The following ATP1B1 variants were observed in gnomAD, a reference collection of about 807,000 sequenced individuals.
ATP1B1 encodes sodium/potassium-transporting ATPase subunit beta-1.
ATP1B1 carries 3 observed loss-of-function variants against 39.6 expected under a neutral mutation model. The ratio of observed to expected loss-of-function variants is 0.08; its 90% CI spans 0.03 to 0.20. The LOEUF is 0.20. Among genes scored for constraint, ATP1B1 ranks in the 10% least tolerant of loss-of-function variants. The probability of loss-of-function intolerance (pLI) is 1.00; values close to 1 mark genes in which losing one functional copy is unlikely to be tolerated. For synonymous variants in ATP1B1, 139 were observed against 135.0 expected (o/e 1.03, Z -0.20); for missense variants, 216 against 371.1 (o/e 0.58, Z 3.43).
intron 3 of ATP1B1, among the ~76,000 whole-genome samples, chr1:169,127,021 T>C (rs1658101127): frequency 6.6e-6 from 1 of 152,202 alleles, no homozygotes; most frequent in Non-Finnish European, 1.5e-5. Flanking sequence ...ATACCAGCTA[T>C]TCCTTTTGGT....
intron 5 of ATP1B1, 137 bp downstream of exon 5, chr1:169,130,227 G>A: frequency 1.4e-6 from 1 of 739,518 alleles, no homozygotes. Context: ...ATAAGTCTCA[G>A]TGAGATGAAT....
At chr1:169,117,883 T>C (rs539915086) in intron 2 of ATP1B1, among the ~76,000 whole-genome samples, 31 of 152,348 alleles carry the variant, frequency 2.0e-4, no homozygotes, top group African/African-American at 7.2e-4. Flanking sequence ...TCAAATGTCA[T>C]GTAGAATGCA....
chr1:169,131,690 T>A lies in ATP1B1; in HGVS notation c.*135T>A, dbSNP rs1571230304. ...ATCTATATGCTTTACACTAGCTTTCTGCATTTAATAGGTTAGAATGTAAAT... is the reference window on the plus strand; with the variant it reads ...ATCTATATGCTTTACACTAGCTTTCAGCATTTAATAGGTTAGAATGTAAAT... On this transcript the variant is annotated 3_prime_UTR_variant, in exon 6 of 6. Transcript: ENST00000367815. This position sits in a 1 kb window ranked among gnomAD's most constrained non-coding sequence, Gnocchi z 4.4. 1.0e-6 allele frequency: 1 copy of A among 972,606 alleles called. No homozygotes were observed. Among genetic ancestry groups the A allele is most frequent in the East Asian group, 2.6e-5 (1 of 38,180 alleles). 60.2% of individuals were successfully genotyped at this position (972,606 alleles called of 1,614,324 possible). A position where few individuals can be genotyped will look rare whatever the true frequency, so the allele number is the denominator to read the frequency against.
intron 2 of ATP1B1, among the ~76,000 whole-genome samples, chr1:169,123,284 TC>T (rs1658020632): frequency 6.6e-6 from 1 of 152,096 alleles, no homozygotes; most frequent in Non-Finnish European, 1.5e-5. Context: ...TTAAACAGAT[TC>T]TCAAATCTCT....
intron 1 of ATP1B1, among the ~76,000 whole-genome samples, chr1:169,109,264 A>G (rs2101772106): frequency 6.6e-6 from 1 of 152,246 alleles, no homozygotes; most frequent in East Asian, 1.9e-4. Context: ...AAACCTCTGT[A>G]TTACTTTTTT....
At chr1:169,115,721 T>C (rs1052402385) in intron 2 of ATP1B1, among the ~76,000 whole-genome samples, 4 of 152,218 alleles carry the variant, frequency 2.6e-5, no homozygotes, top group Non-Finnish European at 4.4e-5. Context: ...TTTCCAGATA[T>C]GACAGGGATG....
chr1:169,131,690 T>C lies in ATP1B1; in HGVS notation c.*135T>C, dbSNP rs1571230304. On this transcript the variant is annotated 3_prime_UTR_variant, in exon 6 of 6. Transcript: ENST00000367815. This position sits in a 1 kb window ranked among gnomAD's most constrained non-coding sequence, Gnocchi z 4.4. ...ATCTATATGCTTTACACTAGCTTTC[T>C]GCATTTAATAGGTTAGAATGTAAAT... is the stretch of plus-strand genomic sequence containing the variant. The C allele has an allele frequency of 1.0e-6, 1 of 972,606 alleles. No individual in the cohort carries two copies. Among genetic ancestry groups the C allele is most frequent in the African/African-American group, 1.6e-5 (1 of 60,724 alleles). The allele number at this position is 972,606 out of a possible 1,614,324, so 60.2% of individuals were successfully genotyped here.
In ATP1B1 at chr1:169,132,019, ATTTTTTTTTT is replaced by A. The variant is rs34447553; in HGVS notation, c.*477_*486del. ...CAACGGGAATAAAACTGGCATGGTA[ATTTTTTTTTT>A]TTTTTTTTTTTTGTTTTTTGGCTCT... On this transcript the variant is annotated 3_prime_UTR_variant, in exon 6 of 6. Transcript: ENST00000367815. 5.4e-6 allele frequency: 1 copy of A among 186,522 alleles called. No individual in the cohort carries two copies. The highest frequency in any genetic ancestry group is 3.2e-5 in the African/African-American group (1 of 31,222). 11.6% of individuals were successfully genotyped at this position (186,522 alleles called of 1,614,324 possible). A position where few individuals can be genotyped will look rare whatever the true frequency, so the allele number is the denominator to read the frequency against.
At chr1:169,116,048 C>G (rs943595256) in intron 2 of ATP1B1, among the ~76,000 whole-genome samples, 17 of 152,240 alleles carry the variant, frequency 1.1e-4, no homozygotes, top group Non-Finnish European at 4.4e-5. Flanking sequence ...CACAGGCACG[C>G]ACACCCACGT....
At chr1:169,112,425 C>G (rs369243972) in intron 2 of ATP1B1, among the ~76,000 whole-genome samples, 16 of 152,198 alleles carry the variant, frequency 1.1e-4, no homozygotes, top group African/African-American at 2.7e-4. Flanking sequence ...GCATAACTTC[C>G]GGGCTCTCAC....
At chr1:169,116,864 C>A (rs1164196587) in intron 2 of ATP1B1, among the ~76,000 whole-genome samples, 6 of 150,738 alleles carry the variant, frequency 4.0e-5, no homozygotes, top group East Asian at 1.9e-4. Flanking sequence ...AAAAAAAAAA[C>A]CAAAAACAAA....
intron 2 of ATP1B1, among the ~76,000 whole-genome samples, chr1:169,122,207 C>T (rs954898075): frequency 2.2e-4 from 33 of 152,208 alleles, no homozygotes; most frequent in African/African-American, 8.0e-4. Context: ...GCATGACCGT[C>T]CCTCAAGGCT....
chr1:169,130,006 T>C lies in ATP1B1; in HGVS notation c.568-4T>C. ...CTACTGATCATAATGGGTTTTATTT[T>C]TAGCCTCCCAAGAATGAGTCCTTGG... On this transcript the variant is annotated splice_region_variant and splice_polypyrimidine_tract_variant and intron_variant, in intron 4 of 5. Transcript: ENST00000367815. 1 of 1,613,656 alleles carries C rather than the reference T, an allele frequency of 6.2e-7. No individual in the cohort carries two copies. Among genetic ancestry groups the C allele is most frequent in the Non-Finnish European group, 8.5e-7 (1 of 1,179,738 alleles).
intron 2 of ATP1B1, among the ~76,000 whole-genome samples, chr1:169,113,907 C>T (rs1657779240): frequency 6.6e-6 from 1 of 152,226 alleles, no homozygotes; most frequent in Non-Finnish European, 1.5e-5. Flanking sequence ...CTTCCCCCAT[C>T]ACCTTTCAGG....
At chr1:169,120,919 AT>A (rs1347108853) in intron 2 of ATP1B1, among the ~76,000 whole-genome samples, 15 of 144,212 alleles carry the variant, frequency 1.0e-4, no homozygotes, top group South Asian at 6.8e-4. Context: ...GATCTTAGAT[AT>A]TTTTTTTCTT....
chr1:169,106,932 TA>T lies in ATP1B1; in HGVS notation c.97+7del. On this transcript the variant is annotated splice_region_variant and intron_variant, in intron 1 of 5. Coordinates refer to ENST00000367815, the MANE Select transcript of ATP1B1 (RefSeq NM_001677.4). ...CAGGACCGGTGGCAGTTGGTGTAAG[TA>T]CGGGGTCCGCAGCTCCCGGCCGCCG... The T allele has an allele frequency of 1.3e-6, 2 of 1,574,296 alleles. No homozygotes were observed. Among genetic ancestry groups the T allele is most frequent in the South Asian group, 2.3e-5 (2 of 86,808 alleles).
rs190512392 is a variant in ATP1B1, at chr1:169,128,165, C to T, written c.567+757C>T. On this transcript the variant is annotated intron_variant, in intron 4 of 5. Coordinates refer to ENST00000367815, the MANE Select transcript of ATP1B1 (RefSeq NM_001677.4). ...CCTCCAGATCATGAATTAATGCTGT[C>T]CTTTCCCCTTAAGCCTGGCTTCTTC... 2.4e-3 allele frequency among the ~76,000 whole-genome samples: 365 copies of T among 152,290 alleles called. 1 individual carries two copies. Among genetic ancestry groups the T allele is most frequent in the Non-Finnish European group, 4.0e-3 (274 of 68,024 alleles).
chr1:169,132,042 G>C lies in ATP1B1; in HGVS notation c.*487G>C. The stretch of plus-strand genomic sequence containing the variant: ...TAATTTTTTTTTTTTTTTTTTTTTT[G>C]TTTTTTGGCTCTTTCAAAGGTAATG... On this transcript the variant is annotated 3_prime_UTR_variant, in exon 6 of 6. Coordinates refer to ENST00000367815, the MANE Select transcript of ATP1B1 (RefSeq NM_001677.4). The C allele has an allele frequency of 9.3e-6, 1 of 107,388 alleles. No homozygotes were observed. Among genetic ancestry groups the C allele is most frequent in the Non-Finnish European group, 1.8e-5 (1 of 55,092 alleles). The allele number at this position is 107,388 out of a possible 1,614,324, so 6.7% of individuals were successfully genotyped here. A position where few individuals can be genotyped will look rare whatever the true frequency, so the allele number is the denominator to read the frequency against.
At chr1:169,126,102 CAG>C (rs1272453518) in intron 3 of ATP1B1, among the ~76,000 whole-genome samples, 1 of 152,166 alleles carries the variant, frequency 6.6e-6, no homozygotes, top group African/African-American at 2.4e-5. Flanking sequence ...GTGGCTTGGT[CAG>C]AGTATGGGGC....
Sources: gnomAD v4.1 joint callset for allele counts (sites outside exome capture counted in the v4.1 genomes callset) on GRCh38, gnomAD v4.1.1 for gene constraint, Gnocchi (gnomAD v3.1) non-coding constraint, MANE v1.5 for transcripts, NCBI Gene and HGNC (gene_info 2026-07-23, HGNC 2026-07-21) for gene names.